CHDH: variants seen among roughly 807,000 people sequenced by gnomAD.
CHDH encodes the protein choline dehydrogenase, mitochondrial.
In CHDH, 43 loss-of-function variants were observed where a neutral mutation model predicts 56.9. That is an observed-to-expected ratio of 0.76 (90% confidence interval 0.59 to 0.97). The LOEUF is 0.97. CHDH is among the 50% of genes least tolerant of loss of function. CHDH has a pLI of 0.00. For synonymous variants in CHDH, 364 were observed against 348.5 expected (o/e 1.04, Z -0.50); for missense variants, 816 against 821.1 (o/e 0.99, Z 0.08).
rs920253 is a variant in CHDH at position 53,838,726 on chromosome 3, G to C, written c.-60+2203C>G. ...TGTGCATTCACTTACAGACAGCAGT[G>C]GGGGAGAGCTAGAAGCTCCCAGAGC... On this transcript the variant is annotated intron_variant, in intron 2 of 8. Coordinates refer to ENST00000315251, the MANE Select transcript of CHDH (RefSeq NM_018397.5). Among the ~76,000 whole-genome samples, 579 of 152,224 alleles carry C rather than the reference G, an allele frequency of 3.8e-3. 2 individuals carry two copies. Among genetic ancestry groups the C allele is most frequent in the Non-Finnish European group, 6.1e-3 (417 of 68,012 alleles).
At chr3:53,833,195 CA>C (rs934010046) in intron 2 of CHDH, among the ~76,000 whole-genome samples, 2 of 152,218 alleles carry the variant, frequency 1.3e-5, no homozygotes, top group Non-Finnish European at 2.9e-5. Flanking sequence ...GGAGCTTCGC[CA>C]GGGGGCAGCA....
rs1411380820 is a variant in CHDH at position 53,819,660 on chromosome 3, C to T, written c.1135G>A (p.Ala379Thr). 6.2e-7 allele frequency: 1 copy of T among 1,604,780 alleles called. No homozygotes were observed. The change falls in exon 7 of 9, where the codon GCC becomes ACC. Residue 379 changes from alanine to threonine, a missense_variant. Physicochemically the swap from Ala to Thr is moderately conservative, Grantham distance 58. Transcript: ENST00000315251. The surrounding 1 kb of genome is among the most constrained non-coding windows in gnomAD (Gnocchi z 5.4). ...ATGAACCCACCTGTTTCCAGATGGG[C>T]AGTGGCTCCCTCCCCTGAGAAGCAG... ...LWKFTGEGAT[A>T]HLETGGFIRS...
At position 53,817,925 on chromosome 3, in the gene CHDH, G is replaced by A. The variant is rs958039338; in HGVS notation, c.1637C>T (p.Ser546Phe). The change falls in exon 9 of 9, where the codon TCC becomes TTC. Residue 546 changes from serine to phenylalanine, a missense_variant. Physicochemically the swap from Ser to Phe is radical, Grantham distance 155. Coordinates refer to ENST00000315251, the MANE Select transcript of CHDH (RefSeq NM_018397.5). ...GVENLRVVDASIMPSMVSGNL... is the reference protein window; with the variant it reads ...GVENLRVVDAFIMPSMVSGNL... Reference sequence around the variant, plus strand: ...GCCGCTGACCATGCTAGGCATGATGGAGGCATCGACGACCCTGAGGTTTTC... The same window carrying A: ...GCCGCTGACCATGCTAGGCATGATGAAGGCATCGACGACCCTGAGGTTTTC... 1.2e-6 allele frequency: 2 copies of A among 1,614,112 alleles called. No individual in the cohort carries two copies. Among genetic ancestry groups the A allele is most frequent in the African/African-American group, 2.7e-5 (2 of 74,954 alleles).
chr3:53,835,301 A>G (rs1223476926), intron 2 of CHDH, among the ~76,000 whole-genome samples: 1 of 152,230 alleles, frequency 6.6e-6, no homozygotes, highest in African/African-American at 2.4e-5. Flanking sequence ...ATTGTGGACA[A>G]GGCTCAGGTA....
Position 53,816,091 on chromosome 3 carries a change from C to G in CHDH, c.*1686G>C, listed in dbSNP as rs2095615215. On this transcript the variant is annotated 3_prime_UTR_variant, in exon 9 of 9. Coordinates refer to ENST00000315251, the MANE Select transcript of CHDH (RefSeq NM_018397.5). The stretch of plus-strand genomic sequence containing the variant: ...TGATGGGTTTCTTCCTGCTGCCTCT[C>G]TCGAAGGTTTTTCTCAGAAAACTAA... 1 of 151,516 alleles carries G rather than the reference C, an allele frequency of 6.6e-6. No individual in the cohort carries two copies. The highest frequency in any genetic ancestry group is 1.5e-5 in the Non-Finnish European group (1 of 67,994). The allele number at this position is 151,516 out of a possible 1,614,324, so 9.4% of individuals were successfully genotyped here.
At chr3:53,843,188 C>CCCTT (rs578127745) in intron 1 of CHDH, among the ~76,000 whole-genome samples, 3 of 125,180 alleles carry the variant, frequency 2.4e-5, no homozygotes, top group Non-Finnish European at 3.2e-5. Flanking sequence ...CCCCCCCCAC[C>CCCTT]TTTTTTTTTT....
Position 53,815,696 on chromosome 3 carries a change from C to T in CHDH, c.*2081G>A, listed in dbSNP as rs1387225831. On this transcript the variant is annotated 3_prime_UTR_variant, in exon 9 of 9. Transcript: ENST00000315251. ...CCCATGGGACACAGAGATGGTAGAACTAAGTGACTGTCACCCTGCCATATC... is the reference window on the plus strand; with the variant it reads ...CCCATGGGACACAGAGATGGTAGAATTAAGTGACTGTCACCCTGCCATATC... 1 of 152,228 alleles carries T rather than the reference C, an allele frequency of 6.6e-6. No homozygotes were observed. Among genetic ancestry groups the T allele is most frequent in the Non-Finnish European group, 1.5e-5 (1 of 68,078 alleles). 9.4% of individuals were successfully genotyped at this position (152,228 alleles called of 1,614,324 possible).
rs373647461 is a variant in CHDH at position 53,823,451 on chromosome 3, C to G, written c.558G>C (p.Pro186=). The change falls in exon 3 of 9, where the codon CCG becomes CCC. Residue 186 remains proline, a synonymous_variant. Coordinates refer to ENST00000315251, the MANE Select transcript of CHDH (RefSeq NM_018397.5). ...TGGTCTTGCCCCGGGACACCCGCAG[C>G]GGGCCATCGGCGCCCCGGTACCGGC... ...GASRYRGADG[P]LRVSRGKTNH... 3.3e-5 allele frequency: 51 copies of G among 1,562,726 alleles called. 1 individual carries two copies. In the East Asian group the frequency reaches 1.1e-3, roughly 33 times the overall value.
chr3:53,818,333 T>C lies in CHDH; in HGVS notation c.1367-138A>G, dbSNP rs951748427. ...GACAAAGTTCAGGGCCATGGGGGAC[T>C]GAGCCAGCAGGCTGCTTGTCCCTGC... On this transcript the variant is annotated intron_variant, in intron 8 of 8. Coordinates refer to ENST00000315251, the MANE Select transcript of CHDH (RefSeq NM_018397.5). 3.1e-5 allele frequency: 24 copies of C among 768,572 alleles called. No individual in the cohort carries two copies. The African/African-American group carries it at 3.5e-4, about 11-fold the overall frequency. The allele number at this position is 768,572 out of a possible 1,614,324, so 47.6% of individuals were successfully genotyped here.
At chr3:53,834,999 T>C (rs1204582961) in intron 2 of CHDH, among the ~76,000 whole-genome samples, 1 of 152,234 alleles carries the variant, frequency 6.6e-6, no homozygotes, top group Non-Finnish European at 1.5e-5. Flanking sequence ...TGATAAATAA[T>C]GATTCCACTT....
chr3:53,827,900 T>C (rs1175334257), intron 2 of CHDH, among the ~76,000 whole-genome samples: 2 of 152,126 alleles, frequency 1.3e-5, no homozygotes, highest in Non-Finnish European at 2.9e-5. Flanking sequence ...AAAGTATATA[T>C]GGAGAGGCAA....
intron 3 of CHDH, among the ~76,000 whole-genome samples, chr3:53,822,963 G>A (rs1033314359): frequency 2.6e-5 from 4 of 152,176 alleles, no homozygotes; most frequent in Non-Finnish European, 5.9e-5. Flanking sequence ...CCTCTGTCCT[G>A]CTGTGAGCAA....
At chr3:53,821,477 T>C (rs953537875) in intron 5 of CHDH, among the ~76,000 whole-genome samples, 170 bp downstream of exon 5, 7 of 152,044 alleles carry the variant, frequency 4.6e-5, no homozygotes, top group African/African-American at 1.7e-4. Flanking sequence ...GGCCCAGGGA[T>C]GACAGTGTCC....
At chr3:53,820,375 C>A in intron 6 of CHDH, 99 bp downstream of exon 6, 2 of 1,405,920 alleles carry the variant, frequency 1.4e-6, no homozygotes, top group Admixed American at 2.3e-5. Context: ...CATAGTTCCG[C>A]ATCAAACCCA....
chr3:53,830,417 T>G (rs1449282694), intron 2 of CHDH, among the ~76,000 whole-genome samples: 1 of 151,182 alleles, frequency 6.6e-6, no homozygotes, highest in African/African-American at 2.4e-5. Context: ...TATATATATA[T>G]ATATCTTCAC....
Position 53,846,306 on chromosome 3 carries a change from T to C in CHDH, c.-354A>G, listed in dbSNP as rs1025274375. 6 of 377,042 alleles carry C rather than the reference T, an allele frequency of 1.6e-5. No homozygotes were observed. The highest frequency in any genetic ancestry group is 8.5e-5 in the African/African-American group (4 of 47,074). The allele number at this position is 377,042 out of a possible 1,614,324, so 23.4% of individuals were successfully genotyped here. On this transcript the variant is annotated 5_prime_UTR_variant, in exon 1 of 9. Coordinates refer to ENST00000315251, the MANE Select transcript of CHDH (RefSeq NM_018397.5). ...CGCGAAGCCCGAGGGCGGGTGCAGC[T>C]GATGCACCTGGCTCACTGCATGCAC...
intron 2 of CHDH, among the ~76,000 whole-genome samples, chr3:53,838,504 G>A (rs1698574709): frequency 6.6e-6 from 1 of 152,186 alleles, no homozygotes; most frequent in African/African-American, 2.4e-5. Context: ...GTAACCCGGA[G>A]CACAGCCAGA....
chr3:53,816,409 T>TAAAG lies in CHDH; in HGVS notation c.*1364_*1367dup, dbSNP rs2095616065. On this transcript the variant is annotated 3_prime_UTR_variant, in exon 9 of 9. Coordinates refer to ENST00000315251, the MANE Select transcript of CHDH (RefSeq NM_018397.5). The stretch of plus-strand genomic sequence containing the variant: ...TCACTTTATTGAATGGTAAGAAATT[T>TAAAG]AAAGAGCAAAGAGCTGTTGTAAATG... 1 of 152,234 alleles carries TAAAG rather than the reference T, an allele frequency of 6.6e-6. No homozygotes were observed. The highest frequency in any genetic ancestry group is 2.4e-5 in the African/African-American group (1 of 41,456). The allele number at this position is 152,234 out of a possible 1,614,324, so 9.4% of individuals were successfully genotyped here. A position where few individuals can be genotyped will look rare whatever the true frequency, so the allele number is the denominator to read the frequency against.
chr3:53,825,870 G>C (rs939492721), intron 2 of CHDH, among the ~76,000 whole-genome samples: 7 of 151,832 alleles, frequency 4.6e-5, no homozygotes, highest in African/African-American at 1.7e-4. Context: ...ATATAACAAT[G>C]ACAGTAAAAT....
Sources: gnomAD v4.1 joint callset for allele counts (sites outside exome capture counted in the v4.1 genomes callset) on GRCh38, gnomAD v4.1.1 for gene constraint, Gnocchi (gnomAD v3.1) non-coding constraint, MANE v1.5 for transcripts, NCBI Gene and HGNC (gene_info 2026-07-23, HGNC 2026-07-21) for gene names.